VMP1: variants seen among roughly 807,000 people sequenced by gnomAD.
The protein encoded by VMP1 is ectopic P-granules autophagy protein 3 homolog.
Under a neutral mutation model 56.0 loss-of-function variants are expected in VMP1, and 11 were observed. The observed-to-expected ratio is 0.20, with a 90% CI of 0.12 to 0.32. VMP1 has a LOEUF of 0.32. VMP1 is among the 10% of genes least tolerant of loss of function. VMP1 has a pLI of 1.00. For synonymous variants in VMP1, 149 were observed against 165.0 expected (o/e 0.90, Z 0.74); for missense variants, 296 against 490.3 (o/e 0.60, Z 3.74).
chr17:59,780,312 C>T (rs1320334943), intron 7 of VMP1, among the ~76,000 whole-genome samples: 1 of 152,180 alleles, frequency 6.6e-6, no homozygotes, highest in African/African-American at 2.4e-5. Context: ...ATACTGTTGC[C>T]TGCTGCAGTG....
chr17:59,721,880 T>C (rs984316928), intron 1 of VMP1, among the ~76,000 whole-genome samples: 1 of 152,178 alleles, frequency 6.6e-6, no homozygotes, highest in African/African-American at 2.4e-5. Flanking sequence ...AAATTGTTTT[T>C]CTCCCAGTTT....
At chr17:59,808,739 C>A in intron 7 of VMP1, 57 bp from the exon 8 acceptor site, 2 of 1,353,198 alleles carry the variant, frequency 1.5e-6, no homozygotes, top group Non-Finnish European at 2.1e-6. Flanking sequence ...CTAGAAAGAA[C>A]CATCTTTCCT....
At chr17:59,808,915 G>A (rs374622049) in intron 8 of VMP1, 39 bp downstream of exon 8, 20 of 1,556,180 alleles carry the variant, frequency 1.3e-5, no homozygotes, top group East Asian at 9.0e-5. Context: ...TTACTAAGTG[G>A]TAGTGTTATA....
intron 5 of VMP1, among the ~76,000 whole-genome samples, chr17:59,759,299 C>T (rs1185298057): frequency 2.0e-5 from 3 of 151,798 alleles, no homozygotes; most frequent in African/African-American, 7.3e-5. Flanking sequence ...GCTTGAACCC[C>T]AGAGGCGAAG....
Position 59,750,302 on chromosome 17 carries a change from A to ATT in VMP1, c.414+11370_414+11371dup, listed in dbSNP as rs201862660. ...AGACAAAAAATAGGCACAATGAATA[A>ATT]TTTTTTTTTTTTTTTTGAGATAGAG... On this transcript the variant is annotated intron_variant, in intron 5 of 11. Coordinates refer to ENST00000262291, the MANE Select transcript of VMP1 (RefSeq NM_030938.5). Among the ~76,000 whole-genome samples, 289 of 143,120 alleles carry ATT rather than the reference A, an allele frequency of 2.0e-3. 1 individual carries two copies. The highest frequency in any genetic ancestry group is 6.1e-3 in the African/African-American group (235 of 38,658). 93.9% of individuals were successfully genotyped at this position (143,120 alleles called of 152,430 possible).
chr17:59,761,125 A>G (rs551655287), intron 5 of VMP1, among the ~76,000 whole-genome samples: 216 of 101,614 alleles, frequency 2.1e-3, no homozygotes, highest in African/African-American at 7.9e-3. Flanking sequence ...CTAGTCTCGA[A>G]CTCCTGACCT....
intron 4 of VMP1, 109 bp downstream of exon 4, chr17:59,737,652 A>G (rs2035065777): frequency 3.6e-6 from 3 of 843,070 alleles, no homozygotes; most frequent in Non-Finnish European, 5.4e-6. Context: ...CCTCAACATT[A>G]TCTCATAACT....
chr17:59,793,705 C>T lies in VMP1; in HGVS notation c.715-15091C>T, dbSNP rs552420001. Among the ~76,000 whole-genome samples, 15 of 114,608 alleles carry T rather than the reference C, an allele frequency of 1.3e-4. 4 individuals carry two copies. In the East Asian group the frequency reaches 1.5e-3, roughly 11 times the overall value. The allele number at this position is 114,608 out of a possible 152,430, so 75.2% of individuals were successfully genotyped here. A position where few individuals can be genotyped will look rare whatever the true frequency, so the allele number is the denominator to read the frequency against. On this transcript the variant is annotated intron_variant, in intron 7 of 11. Coordinates refer to ENST00000262291, the MANE Select transcript of VMP1 (RefSeq NM_030938.5). ...GCAGTGGCGTGATATTGTCTCACTG[C>T]GGCCTCCACCTCCCGAGTTCAAGCA...
intron 5 of VMP1, among the ~76,000 whole-genome samples, chr17:59,759,103 A>G (rs946425427): frequency 2.6e-5 from 4 of 152,294 alleles, no homozygotes; most frequent in Admixed American, 6.5e-5. Context: ...CAACAACAAC[A>G]AAATTAGTTG....
chr17:59,743,094 A>G (rs1032601202), intron 5 of VMP1, among the ~76,000 whole-genome samples: 4 of 152,210 alleles, frequency 2.6e-5, no homozygotes, highest in African/African-American at 4.8e-5. Flanking sequence ...TGAGGAACCA[A>G]TATTGATACA....
chr17:59,732,289 A>G (rs1297516282), intron 2 of VMP1, among the ~76,000 whole-genome samples: 1 of 152,188 alleles, frequency 6.6e-6, no homozygotes, highest in African/African-American at 2.4e-5. Flanking sequence ...CTCTGTCACC[A>G]GGCTGGAGTG....
intron 1 of VMP1, among the ~76,000 whole-genome samples, chr17:59,728,035 T>C (rs2034675562): frequency 6.6e-6 from 1 of 152,254 alleles, no homozygotes; most frequent in Non-Finnish European, 1.5e-5. Context: ...TATTTCTTGA[T>C]GTGTTTATTT....
rs937947997 is a variant in VMP1 at position 59,735,599 on chromosome 17, A to G, written c.212+126A>G. The stretch of plus-strand genomic sequence containing the variant: ...GATTAATTACCTTTAGAATATTACC[A>G]TAGGAACATATTTATTCTCCTTTCT... On this transcript the variant is annotated intron_variant, in intron 3 of 11. Transcript: ENST00000262291. The G allele has an allele frequency of 2.0e-5, 20 of 987,646 alleles. No individual in the cohort carries two copies. The African/African-American group carries it at 2.9e-4, about 14-fold the overall frequency. The allele number at this position is 987,646 out of a possible 1,614,324, so 61.2% of individuals were successfully genotyped here.
At chr17:59,819,810 C>CT (rs2038376273) in intron 10 of VMP1, among the ~76,000 whole-genome samples, 2 of 152,334 alleles carry the variant, frequency 1.3e-5, no homozygotes, top group South Asian at 4.1e-4. Flanking sequence ...ACTACTCTAC[C>CT]TTGAGACTGC....
At chr17:59,737,945 G>A (rs570079423) in intron 4 of VMP1, among the ~76,000 whole-genome samples, 1 of 151,846 alleles carries the variant, frequency 6.6e-6, no homozygotes, top group East Asian at 1.9e-4. Flanking sequence ...AATTTTTTTT[G>A]TATTTTTGTA....
intron 7 of VMP1, among the ~76,000 whole-genome samples, chr17:59,775,465 AGGTATATACCAC>A (rs2036588125): frequency 6.6e-6 from 1 of 152,116 alleles, no homozygotes; most frequent in Non-Finnish European, 1.5e-5. Context: ...CTGGGACTAC[AGGTATATACCAC>A]TATGGCCAGC....
At chr17:59,713,479 G>A (rs773514853) in intron 1 of VMP1, among the ~76,000 whole-genome samples, 13 of 151,918 alleles carry the variant, frequency 8.6e-5, no homozygotes, top group Admixed American at 3.3e-4. Flanking sequence ...ATACAAATAC[G>A]GGATAGTATT....
At chr17:59,819,479 G>C (rs1275298629) in intron 10 of VMP1, among the ~76,000 whole-genome samples, 1 of 151,892 alleles carries the variant, frequency 6.6e-6, no homozygotes, top group African/African-American at 2.4e-5. Context: ...TGTTGTTTTT[G>C]AGACAGAGTC....
In VMP1 at chr17:59,823,524, C is replaced by T. The variant is rs376013131; in HGVS notation, c.974+5751C>T. Among the ~76,000 whole-genome samples the T allele has an allele frequency of 3.3e-4, 49 of 150,234 alleles. 1 individual carries two copies. The South Asian group carries it at 0.01, about 32-fold the overall frequency. The stretch of plus-strand genomic sequence containing the variant: ...CAGCACTTTGGGAGGCTGAGGTGGG[C>T]GGATCACAAGGTCAGGAGATCAAGA... On this transcript the variant is annotated intron_variant, in intron 10 of 11. Transcript: ENST00000262291.
Sources: allele counts gnomAD v4.1 joint callset (sites outside exome capture counted in the v4.1 genomes callset), GRCh38; gene constraint gnomAD v4.1.1; transcripts MANE v1.5; gene names NCBI Gene and HGNC (gene_info 2026-07-23, HGNC 2026-07-21).